GPHN: variants seen among roughly 807,000 people sequenced by gnomAD.
GPHN encodes gephyrin.
Under a neutral mutation model 95.5 loss-of-function variants are expected in GPHN, and 17 were observed. The observed-to-expected ratio is 0.18, with a 90% CI of 0.12 to 0.27. The LOEUF (loss-of-function observed/expected upper bound fraction) is 0.27, where lower values mean the gene tolerates loss of function less well. Ranked by LOEUF, GPHN falls within the 10% of genes least tolerant of loss-of-function variation. The pLI is 1.00. For synonymous variants in GPHN, 320 were observed against 322.5 expected (o/e 0.99, Z 0.08); for missense variants, 660 against 978.1 (o/e 0.67, Z 4.34).
intron 19 of GPHN, among the ~76,000 whole-genome samples, chr14:67,162,433 A>G (rs902054267): frequency 6.6e-6 from 1 of 152,280 alleles, no homozygotes; most frequent in Non-Finnish European, 1.5e-5. Context: ...CAAAAGAAAT[A>G]TAAAACACAC....
At chr14:67,423,171 TCTG>T in the GPHN span, among the ~76,000 whole-genome samples, 2 of 152,052 alleles carry the variant, frequency 1.3e-5, no homozygotes, top group African/African-American at 4.8e-5. Context: ...ATCAGTGTCT[TCTG>T]CTACAGCAAC....
chr14:67,464,229 C>T, the GPHN span, among the ~76,000 whole-genome samples: 3 of 152,148 alleles, frequency 2.0e-5, no homozygotes, highest in South Asian at 2.1e-4. Context: ...TTTCCAGTCC[C>T]GCTGACCGCA....
chr14:66,644,386 A>G (rs1181752762), intron 1 of GPHN, among the ~76,000 whole-genome samples: 1 of 152,062 alleles, frequency 6.6e-6, no homozygotes, highest in Non-Finnish European at 1.5e-5. Flanking sequence ...CCACATCAGT[A>G]TCTTTTCTGA....
intron 3 of GPHN, among the ~76,000 whole-genome samples, chr14:66,778,619 G>C (rs1837172997): frequency 6.8e-6 from 1 of 147,666 alleles, no homozygotes; most frequent in Non-Finnish European, 1.5e-5. Flanking sequence ...CACTAAGCTT[G>C]ATTTGATTAA....
intron 1 of GPHN, among the ~76,000 whole-genome samples, chr14:66,511,926 A>G (rs1432510121): frequency 2.0e-5 from 3 of 152,036 alleles, no homozygotes; most frequent in Admixed American, 6.5e-5. Flanking sequence ...ATTATTGTCC[A>G]TCTCTAACAA....
the GPHN span, among the ~76,000 whole-genome samples, chr14:67,356,571 G>C: frequency 6.6e-6 from 1 of 152,072 alleles, no homozygotes; most frequent in East Asian, 1.9e-4. Flanking sequence ...TTAAAGATTA[G>C]AAAAATGAGG....
At chr14:67,609,369 G>A in the GPHN span, among the ~76,000 whole-genome samples, 1 of 152,136 alleles carries the variant, frequency 6.6e-6, no homozygotes, top group Non-Finnish European at 1.5e-5. Flanking sequence ...GAGCTCAGGC[G>A]CTTTTGTCCC....
chr14:67,312,860 A>C, the GPHN span: 4 of 586,870 alleles, frequency 6.8e-6, no homozygotes, highest in Non-Finnish European at 1.1e-5. Context: ...TTGTACCTGC[A>C]GCGTAAGTAT....
the GPHN span, among the ~76,000 whole-genome samples, chr14:67,630,922 T>TGCTCCCA: frequency 3.9e-5 from 6 of 152,166 alleles, no homozygotes; most frequent in African/African-American, 1.4e-4. Flanking sequence ...AAGAGGTTAA[T>TGCTCCCA]GCTCCCAGCT....
intron 1 of GPHN, among the ~76,000 whole-genome samples, chr14:66,633,993 A>T (rs1453193030): frequency 2.7e-5 from 4 of 148,764 alleles, no homozygotes; most frequent in African/African-American, 7.4e-5. Context: ...TTAATTTCTC[A>T]TTCAGGTCAT....
the GPHN span, among the ~76,000 whole-genome samples, chr14:67,537,370 TAATAATAATAAA>T: frequency 1.2e-4 from 16 of 136,940 alleles, no homozygotes; most frequent in South Asian, 2.3e-4. Flanking sequence ...ATAATAATAA[TAATAATAATAAA>T]AACTTAATCT....
intron 2 of GPHN, among the ~76,000 whole-genome samples, chr14:66,762,835 G>T (rs538609417): frequency 1.3e-5 from 2 of 152,262 alleles, no homozygotes; most frequent in Admixed American, 1.3e-4. Context: ...AGGTAAAAAG[G>T]TACCCATTTA....
chr14:66,575,177 T>C (rs1265035428), intron 1 of GPHN, among the ~76,000 whole-genome samples: 1 of 152,202 alleles, frequency 6.6e-6, no homozygotes, highest in African/African-American at 2.4e-5. Context: ...CCTTTATTCC[T>C]GAAGGACAGC....
At chr14:67,355,031 C>G in the GPHN span, among the ~76,000 whole-genome samples, 2 of 151,992 alleles carry the variant, frequency 1.3e-5, no homozygotes, top group African/African-American at 2.4e-5. Context: ...AGGCTGGTCT[C>G]GAACTCCTGA....
chr14:67,100,463 A>G (rs1368956362), intron 12 of GPHN, among the ~76,000 whole-genome samples: 2 of 152,242 alleles, frequency 1.3e-5, no homozygotes, highest in Non-Finnish European at 2.9e-5. Flanking sequence ...ATATATATAT[A>G]TATGTCCATG....
At chr14:67,247,947 C>T in the GPHN span, among the ~76,000 whole-genome samples, 1 of 152,052 alleles carries the variant, frequency 6.6e-6, no homozygotes, top group Non-Finnish European at 1.5e-5. Flanking sequence ...AGCTGTAGGT[C>T]ATTTTGTGCA....
chr14:67,475,006 C>G, the GPHN span, among the ~76,000 whole-genome samples: 2 of 150,758 alleles, frequency 1.3e-5, no homozygotes, highest in Non-Finnish European at 2.9e-5. Context: ...ACCTCCGCCT[C>G]CTGGGTTCAA....
chr14:66,722,432 GC>G (rs2070842739), intron 2 of GPHN, among the ~76,000 whole-genome samples: 2 of 122,924 alleles, frequency 1.6e-5, no homozygotes, highest in Non-Finnish European at 3.1e-5. Context: ...TAATACTAAG[GC>G]TTTGTTTGTT....
In GPHN at chr14:67,084,540, T is replaced by C. The variant is rs139478499; in HGVS notation, c.1145-4443T>C. On this transcript the variant is annotated intron_variant, in intron 11 of 22. Coordinates refer to ENST00000478722, the MANE Select transcript of GPHN (RefSeq NM_020806.5). ...CTGTACATTTTCCTGCCACTGTCTA[T>C]GTCATACTATCTTGTAATCATCTCT... Among the ~76,000 whole-genome samples, 382 of 152,368 alleles carry C rather than the reference T, an allele frequency of 2.5e-3. 9 individuals are homozygous for C. Among genetic ancestry groups the C allele is most frequent in the East Asian group, 0.017 (89 of 5,190 alleles).
Sources: gnomAD v4.1 joint callset for allele counts (sites outside exome capture counted in the v4.1 genomes callset) on GRCh38, gnomAD v4.1.1 for gene constraint, MANE v1.5 for transcripts, NCBI Gene and HGNC (gene_info 2026-07-23, HGNC 2026-07-21) for gene names.